Variants in SYT7 observed in about 807,000 individuals in gnomAD.
The protein encoded by SYT7 is synaptotagmin 7.
Under a neutral mutation model 75.1 loss-of-function variants are expected in SYT7, and 29 were observed. That is an observed-to-expected ratio of 0.39 (90% CI 0.29 to 0.53). SYT7 has a LOEUF of 0.53. Among genes scored for constraint, SYT7 ranks in the 20% least tolerant of loss-of-function variants. The pLI is 0.77. For missense variants in SYT7, 693 were observed against 953.2 expected (o/e 0.73, Z 3.59); for synonymous variants, 376 against 401.7 (o/e 0.94, Z 0.76).
chr11:61,557,202 C>T (rs2063521824), intron 1 of SYT7, among the ~76,000 whole-genome samples: 1 of 152,216 alleles, frequency 6.6e-6, no homozygotes, highest in Non-Finnish European at 1.5e-5. Flanking sequence ...TCATGTGGGG[C>T]AGTGAGTGGA....
intron 8 of SYT7, 91 bp downstream of exon 8, chr11:61,532,898 C>G (rs1442313555): frequency 6.5e-7 from 1 of 1,549,468 alleles, no homozygotes; most frequent in Non-Finnish European, 8.7e-7. Context: ...CACTCCCATG[C>G]TGTTAATCAT....
intron 1 of SYT7, among the ~76,000 whole-genome samples, chr11:61,577,157 C>A (rs994866745): frequency 6.6e-6 from 1 of 152,218 alleles, no homozygotes; most frequent in African/African-American, 2.4e-5. Context: ...CTGGAGGGGG[C>A]CTGTCTCCAT....
intron 6 of SYT7, 136 bp from the exon 7 acceptor site, chr11:61,538,402 A>T (rs1191444302): frequency 3.8e-6 from 3 of 791,502 alleles, no homozygotes; most frequent in East Asian, 5.5e-5. Context: ...AGAGAGAGAG[A>T]GACAGAGACA....
intron 6 of SYT7, chr11:61,540,535 C>T (rs2063010458): frequency 1.0e-6 from 1 of 985,386 alleles, no homozygotes; most frequent in Non-Finnish European, 1.2e-6. Context: ...TGGAGGTTGC[C>T]AGCAACTAGG....
chr11:61,583,338 G>T (rs1423306907), upstream of SYT7, among the ~76,000 whole-genome samples: 5 of 152,152 alleles, frequency 3.3e-5, no homozygotes, highest in Non-Finnish European at 5.9e-5. Flanking sequence ...CCATCAATCT[G>T]AAAGTCCAGA....
rs2062211379 is a variant in SYT7, at chr11:61,518,642, G to A, written c.2046C>T (p.His682=). The A allele has an allele frequency of 1.3e-6, 2 of 1,547,716 alleles. No homozygotes were observed. Among genetic ancestry groups the A allele is most frequent in the African/African-American group, 1.4e-5 (1 of 72,952 alleles). Residue 682 remains histidine (H), a synonymous_variant, in exon 13 of 13, where the codon CAC becomes CAT. Coordinates refer to ENST00000539008, the MANE Select transcript of SYT7 (RefSeq NM_001365809.2). The part of the protein sequence containing the change: ...ARPRQPVAQW[H]QLKA ...TTGGCCCCACTCAGGCCTTCAGCTGGTGCCACTGGGCCACGGGCTGCCGGG... is the reference window on the plus strand; with the variant it reads ...TTGGCCCCACTCAGGCCTTCAGCTGATGCCACTGGGCCACGGGCTGCCGGG...
At chr11:61,536,149 C>A (rs891554691) in intron 7 of SYT7, among the ~76,000 whole-genome samples, 1 of 152,082 alleles carries the variant, frequency 6.6e-6, no homozygotes, top group Admixed American at 6.5e-5. Flanking sequence ...GGGAATGGCA[C>A]GGTCCACTCG....
rs1430028966 is a variant in SYT7 at position 61,551,234 on chromosome 11, G to A, written c.215+150C>T. 5.5e-6 allele frequency: 4 copies of A among 728,638 alleles called. No homozygotes were observed. Among genetic ancestry groups the A allele is most frequent in the Middle Eastern group, 3.7e-4 (1 of 2,672 alleles). 45.1% of individuals were successfully genotyped at this position (728,638 alleles called of 1,614,324 possible). ...AAAAGACGGGGCCCCTGAGTTTTTG[G>A]GGGTGTGTGGAGGGTGTAGAGAGCA... On this transcript the variant is annotated intron_variant, in intron 3 of 12. Transcript: ENST00000539008. The surrounding 1 kb of genome is among the most constrained non-coding windows in gnomAD (Gnocchi z 5.3).
chr11:61,542,480 C>T lies in SYT7; in HGVS notation c.672G>A (p.Gln224=), dbSNP rs1014107913. The change falls in exon 6 of 13, where the codon CAG becomes CAA. Residue 224 remains glutamine (Q), a synonymous_variant. Transcript: ENST00000539008. This position sits in a 1 kb window ranked among gnomAD's most constrained non-coding sequence, Gnocchi z 7.8. The part of the protein sequence containing the change: ...KCQRPRTLMR[Q]QSLQQPLSQH... ...GGCTCAGCGGCTGTTGCAGGCTCTG[C>T]TGCCGCATCAGGGTGCGGGGTCGCT... 7.2e-6 allele frequency: 11 copies of T among 1,532,920 alleles called. No individual in the cohort carries two copies. Among genetic ancestry groups the T allele is most frequent in the Non-Finnish European group, 8.7e-6 (10 of 1,146,088 alleles). 95.0% of individuals were successfully genotyped at this position (1,532,920 alleles called of 1,614,324 possible). A position where few individuals can be genotyped will look rare whatever the true frequency, so the allele number is the denominator to read the frequency against.
rs370950915 is a variant in SYT7, at chr11:61,556,163, C to T, written c.76G>A (p.Val26Ile). The T allele has an allele frequency of 6.8e-6, 11 of 1,613,864 alleles. No individual in the cohort carries two copies. Among genetic ancestry groups the T allele is most frequent in the Admixed American group, 1.7e-5 (1 of 59,988 alleles). The change falls in exon 2 of 13, where the codon GTC becomes ATC. Residue 26 changes from valine (V) to isoleucine (I), a missense_variant. Val to Ile is a conservative substitution (Grantham distance 29). Coordinates refer to ENST00000539008, the MANE Select transcript of SYT7 (RefSeq NM_001365809.2). ...AGGACGACAGTGACGCTAAGGCTGA[C>T]GGTGATGATGGCAGAGACCAGCAGG... The part of the protein sequence containing the change: ...DVLLVSAIIT[V>I]SLSVTVVLCG...
At chr11:61,519,356 C>T (rs144314927) in intron 12 of SYT7, among the ~76,000 whole-genome samples, 14 of 152,336 alleles carry the variant, frequency 9.2e-5, no homozygotes, top group Admixed American at 1.3e-4. Context: ...TGAATCCCTC[C>T]GGAACCCCCA....
chr11:61,586,491 G>A, the SYT7 span, among the ~76,000 whole-genome samples: 1 of 152,208 alleles, frequency 6.6e-6, no homozygotes, highest in Non-Finnish European at 1.5e-5. Flanking sequence ...CAGTCCTTCT[G>A]AGCCTCATTT....
chr11:61,541,157 C>T, intron 6 of SYT7: 1 of 985,568 alleles, frequency 1.0e-6, no homozygotes, highest in Non-Finnish European at 1.2e-6. Flanking sequence ...GAGGAACTTG[C>T]TTGCCTTCAG....
At chr11:61,527,322 T>C (rs1338572429) in intron 9 of SYT7, among the ~76,000 whole-genome samples, 5 of 152,214 alleles carry the variant, frequency 3.3e-5, no homozygotes, top group African/African-American at 1.2e-4. Context: ...CACTCATTTA[T>C]TGAACCCTCG....
chr11:61,547,779 C>T (rs1006447419), intron 3 of SYT7, among the ~76,000 whole-genome samples: 4 of 152,100 alleles, frequency 2.6e-5, no homozygotes, highest in Non-Finnish European at 5.9e-5. Flanking sequence ...CTTGCTGGGC[C>T]CTACCTCTCC....
chr11:61,563,484 T>C (rs768193266), intron 1 of SYT7, among the ~76,000 whole-genome samples: 1 of 152,190 alleles, frequency 6.6e-6, no homozygotes, highest in Non-Finnish European at 1.5e-5. Flanking sequence ...CCTCGGACCA[T>C]TATTATCTCC....
chr11:61,539,862 G>A (rs2062991627), intron 6 of SYT7: 1 of 152,154 alleles, frequency 6.6e-6, no homozygotes, highest in African/African-American at 2.4e-5. Context: ...ACTCCAGGCT[G>A]ACCCTTGTGC....
intron 8 of SYT7, 41 bp from the exon 9 acceptor site, chr11:61,528,226 C>G (rs745930464): frequency 9.4e-6 from 15 of 1,595,892 alleles, no homozygotes; most frequent in Non-Finnish European, 1.3e-5. Flanking sequence ...GGGGAGGATT[C>G]TGCTTCCCCC....
rs539017397 is a variant in SYT7 at position 61,533,204 on chromosome 11, C to G, written c.1065-80G>C. 271 of 1,493,200 alleles carry G rather than the reference C, an allele frequency of 1.8e-4. 1 individual carries two copies. In the African/African-American group the frequency reaches 3.4e-3, roughly 19 times the overall value. The allele number at this position is 1,493,200 out of a possible 1,614,324, so 92.5% of individuals were successfully genotyped here. The stretch of plus-strand genomic sequence containing the variant: ...ACCCCGGCCTGGGGGGTGGCAGGAC[C>G]TTCTCTGAAGACCCCAGCAGCTGCC... On this transcript the variant is annotated intron_variant, in intron 7 of 12. Coordinates refer to ENST00000539008, the MANE Select transcript of SYT7 (RefSeq NM_001365809.2).
Sources: gnomAD v4.1 joint callset for allele counts (sites outside exome capture counted in the v4.1 genomes callset) on GRCh38, gnomAD v4.1.1 for gene constraint, Gnocchi (gnomAD v3.1) non-coding constraint, MANE v1.5 for transcripts, NCBI Gene and HGNC (gene_info 2026-07-23, HGNC 2026-07-21) for gene names.